Variants in OTUD7A observed in about 807,000 individuals in gnomAD.
OTUD7A encodes the protein OTU domain-containing protein 7A.
In OTUD7A, 12 loss-of-function variants were observed where a neutral mutation model predicts 65.7. That is an observed-to-expected ratio of 0.18 (90% CI 0.12 to 0.30). The LOEUF (loss-of-function observed/expected upper bound fraction) is 0.30. Among genes scored for constraint, OTUD7A ranks in the 10% least tolerant of loss-of-function variants. OTUD7A has a pLI of 1.00. For synonymous variants in OTUD7A, 641 were observed against 586.3 expected (o/e 1.09, Z -1.35); for missense variants, 1,148 against 1,304.8 (o/e 0.88, Z 1.85).
rs1411463312 is a variant in OTUD7A, at chr15:31,479,621, A to G, written c.*3673T>C. On this transcript the variant is annotated 3_prime_UTR_variant, in exon 13 of 13. Transcript: ENST00000307050. Reference sequence around the variant, plus strand: ...AAGTATATTTTAAGTTTATTTTTGCAAAGTAGAATAGTTCGCAAAATAAGT... The same window carrying G: ...AAGTATATTTTAAGTTTATTTTTGCGAAGTAGAATAGTTCGCAAAATAAGT... The G allele has an allele frequency of 6.8e-6, 1 of 147,998 alleles. No homozygotes were observed. The highest frequency in any genetic ancestry group is 2.0e-4 in the East Asian group (1 of 4,936). The allele number at this position is 147,998 out of a possible 1,614,324, so 9.2% of individuals were successfully genotyped here.
rs577735651 is a variant in OTUD7A, at chr15:31,659,817, C to T, written c.-99-2740G>A. On this transcript the variant is annotated intron_variant, in intron 1 of 12. Coordinates refer to ENST00000307050, the MANE Select transcript of OTUD7A (RefSeq NM_001382637.1). ...CTCTCATCAGGTCTGTTTGATGATA[C>T]AGCACACTGAACACAGGGATAAGGG... is the stretch of plus-strand genomic sequence containing the variant. Among the ~76,000 whole-genome samples, 444 of 149,966 alleles carry T rather than the reference C, an allele frequency of 3.0e-3. 5 individuals carry two copies. Among genetic ancestry groups the T allele is most frequent in the African/African-American group, 0.011 (430 of 40,696 alleles).
intron 1 of OTUD7A, among the ~76,000 whole-genome samples, chr15:31,695,067 G>A (rs1893045250): frequency 2.0e-5 from 3 of 152,046 alleles, no homozygotes; most frequent in East Asian, 3.9e-4. Context: ...GGATGGTCTC[G>A]ATCCCCTGAC....
At position 31,564,387 on chromosome 15, in the gene OTUD7A, G is replaced by GTTTT. The variant is rs398026753; in HGVS notation, c.332-5204_332-5201dup. Among the ~76,000 whole-genome samples the GTTTT allele has an allele frequency of 1.4e-3, 168 of 119,928 alleles. 8 individuals carry two copies. Among genetic ancestry groups the GTTTT allele is most frequent in the African/African-American group, 4.7e-3 (163 of 35,026 alleles). The allele number at this position is 119,928 out of a possible 152,430, so 78.7% of individuals were successfully genotyped here. A position where few individuals can be genotyped will look rare whatever the true frequency, so the allele number is the denominator to read the frequency against. ...TTTTTGGAAGTAGTCTTTGAGGAAGGTTTTTTTTTTTTTAGCAAAAGAGAA... is the reference window on the plus strand; with the variant it reads ...TTTTTGGAAGTAGTCTTTGAGGAAGGTTTTTTTTTTTTTTTTTAGCAAAAGAGAA... On this transcript the variant is annotated intron_variant, in intron 4 of 12. Coordinates refer to ENST00000307050, the MANE Select transcript of OTUD7A (RefSeq NM_001382637.1).
At chr15:31,679,373 T>A (rs1206733240) in intron 1 of OTUD7A, among the ~76,000 whole-genome samples, 1 of 152,074 alleles carries the variant, frequency 6.6e-6, no homozygotes, top group South Asian at 2.1e-4. Context: ...AACATGAGAT[T>A]TGATTTGGAA....
intron 1 of OTUD7A, among the ~76,000 whole-genome samples, chr15:31,774,335 C>T (rs1240658057): frequency 1.3e-5 from 2 of 152,276 alleles, no homozygotes; most frequent in African/African-American, 4.8e-5. Flanking sequence ...CTGTGCCTTG[C>T]ACCTAGGGGC....
At chr15:31,720,490 C>A (rs558162417) in intron 1 of OTUD7A, among the ~76,000 whole-genome samples, 2 of 151,872 alleles carry the variant, frequency 1.3e-5, no homozygotes, top group African/African-American at 2.4e-5. Context: ...GGCTCTGCCC[C>A]CCGGGGTTCA....
chr15:31,664,835 TA>T (rs1892275506), intron 1 of OTUD7A, among the ~76,000 whole-genome samples: 1 of 152,200 alleles, frequency 6.6e-6, no homozygotes, highest in Non-Finnish European at 1.5e-5. Flanking sequence ...GATTTTTGTA[TA>T]AAGTGAGAGA....
At chr15:31,568,461 C>T (rs1888945813) in intron 4 of OTUD7A, among the ~76,000 whole-genome samples, 1 of 152,174 alleles carries the variant, frequency 6.6e-6, no homozygotes, top group African/African-American at 2.4e-5. Context: ...TACAGGCTCA[C>T]AGGTGGAAGG....
At chr15:31,755,549 G>A (rs996161319) in intron 1 of OTUD7A, among the ~76,000 whole-genome samples, 5 of 152,132 alleles carry the variant, frequency 3.3e-5, no homozygotes, top group East Asian at 3.9e-4. Context: ...GTGAAACCCC[G>A]TCTCTACTAA....
intron 3 of OTUD7A, among the ~76,000 whole-genome samples, chr15:31,632,889 C>T (rs1186951291): frequency 1.3e-5 from 2 of 152,206 alleles, no homozygotes. Flanking sequence ...TGCTAGCAAT[C>T]AGGGAGACTC....
At chr15:31,732,229 C>T (rs1380382939) in intron 1 of OTUD7A, among the ~76,000 whole-genome samples, 1 of 152,198 alleles carries the variant, frequency 6.6e-6, no homozygotes, top group Non-Finnish European at 1.5e-5. Flanking sequence ...CAGCAGAAAC[C>T]ATGTAGATGC....
intron 8 of OTUD7A, among the ~76,000 whole-genome samples, chr15:31,514,040 T>C (rs1468593242): frequency 2.1e-5 from 3 of 140,086 alleles, no homozygotes; most frequent in Admixed American, 1.5e-4. Context: ...TTTTTTCTTT[T>C]CTTTCTTTCT....
chr15:31,752,890 G>C (rs1894676643), intron 1 of OTUD7A, among the ~76,000 whole-genome samples: 1 of 152,098 alleles, frequency 6.6e-6, no homozygotes, highest in African/African-American at 2.4e-5. Context: ...TCATGGAAAA[G>C]GGGGCCAGTT....
At chr15:31,802,503 G>A (rs1896162228) in intron 1 of OTUD7A, among the ~76,000 whole-genome samples, 1 of 152,060 alleles carries the variant, frequency 6.6e-6, no homozygotes, top group Admixed American at 6.6e-5. Context: ...TCAACACTTT[G>A]CATCCTTCAA....
intron 4 of OTUD7A, among the ~76,000 whole-genome samples, chr15:31,559,880 C>T (rs1429099257): frequency 6.6e-6 from 1 of 152,240 alleles, no homozygotes; most frequent in Non-Finnish European, 1.5e-5. Flanking sequence ...TCTGCAACAG[C>T]CCTTATATCC....
At chr15:31,846,067 G>A (rs73382606) in intron 1 of OTUD7A, among the ~76,000 whole-genome samples, 5,480 of 152,300 alleles carry the variant, frequency 0.036, 357 homozygotes, top group African/African-American at 0.12. Context: ...ACAGGCTCTC[G>A]GGCTTCAAGC....
At chr15:31,623,872 A>G (rs951226944) in intron 3 of OTUD7A, among the ~76,000 whole-genome samples, 9 of 152,224 alleles carry the variant, frequency 5.9e-5, no homozygotes, top group African/African-American at 2.2e-4. Flanking sequence ...TGGGAGCTGT[A>G]GACTGGAGCT....
In OTUD7A at chr15:31,649,536, C is replaced by A. The variant is rs185346856; in HGVS notation, c.151+5560G>T. 1.1e-4 allele frequency: 17 copies of A among 161,790 alleles called. No individual in the cohort carries two copies. In the East Asian group the frequency reaches 2.8e-3, roughly 26 times the overall value. The allele number at this position is 161,790 out of a possible 1,614,324, so 10.0% of individuals were successfully genotyped here. ...CCCCTCTAAATTCCTACATTACTGA[C>A]ATCCTCCCAATACACATCTTTCTGA... On this transcript the variant is annotated intron_variant, in intron 3 of 12. Coordinates refer to ENST00000307050, the MANE Select transcript of OTUD7A (RefSeq NM_001382637.1).
At chr15:31,573,093 T>A (rs1444248998) in intron 3 of OTUD7A, among the ~76,000 whole-genome samples, 1 of 152,190 alleles carries the variant, frequency 6.6e-6, no homozygotes, top group Non-Finnish European at 1.5e-5. Context: ...AATTATCCTC[T>A]TTTAAAGATA....
Sources: gnomAD v4.1 joint callset for allele counts (sites outside exome capture counted in the v4.1 genomes callset) on GRCh38, gnomAD v4.1.1 for gene constraint, MANE v1.5 for transcripts, NCBI Gene and HGNC (gene_info 2026-07-23, HGNC 2026-07-21) for gene names.